SRGN: variants seen among roughly 807,000 people sequenced by gnomAD.
The protein encoded by SRGN is hematopoetic proteoglycan core peptide.
SRGN carries 2 observed loss-of-function variants against 9.5 expected under a neutral mutation model. That is an observed-to-expected ratio of 0.21 (90% CI 0.09 to 0.66). The LOEUF is 0.66. SRGN is among the 30% of genes least tolerant of loss of function. The pLI is 0.83. For missense variants in SRGN, 170 were observed against 192.4 expected (o/e 0.88, Z 0.69); for synonymous variants, 59 against 72.3 (o/e 0.82, Z 0.93).
In SRGN at chr10:69,104,066, C is replaced by G; in HGVS notation, c.423C>G (p.Pro141=). 6.2e-7 allele frequency: 1 copy of G among 1,614,138 alleles called. No individual in the cohort carries two copies. ...DNLRSLDRNL[P]SDSQDLGQHG... is the part of the protein sequence containing the mutation. ...TTAGGTCTCTTGACAGGAATCTGCCCTCAGACAGCCAGGACTTGGGTCAAC... is the reference window on the plus strand; with the variant it reads ...TTAGGTCTCTTGACAGGAATCTGCCGTCAGACAGCCAGGACTTGGGTCAAC... The change falls in exon 3 of 3, where the codon CCC becomes CCG. Residue 141 remains proline (P), a synonymous_variant. Transcript: ENST00000242465.
At chr10:69,088,672 T>C (rs1182107710) in intron 1 of SRGN, among the ~76,000 whole-genome samples, 2 of 152,048 alleles carry the variant, frequency 1.3e-5, no homozygotes, top group African/African-American at 2.4e-5. Context: ...TGGGAGACGT[T>C]ATATTCCAAT....
At chr10:69,094,313 G>C (rs1840130073) in intron 1 of SRGN, among the ~76,000 whole-genome samples, 2 of 152,138 alleles carry the variant, frequency 1.3e-5, no homozygotes, top group African/African-American at 4.8e-5. Flanking sequence ...GATTATGATA[G>C]AATAATATAT....
At chr10:69,088,632 G>T (rs1304809854) in intron 1 of SRGN, among the ~76,000 whole-genome samples, 2 of 152,068 alleles carry the variant, frequency 1.3e-5, no homozygotes, top group African/African-American at 4.8e-5. Flanking sequence ...GTTTTAGTGC[G>T]CTGTGACGGT....
rs370677229 is a variant in SRGN, at chr10:69,103,310, G to GAGGCT, written c.228-561_228-560insAGGCT. ...TCACACCTGTAATCCCAGCACTTTG[G>GAGGCT]GAGGTGGGTGGTTCACAAGGTCAGG... On this transcript the variant is annotated intron_variant, in intron 2 of 2. Transcript: ENST00000242465. 3.4e-3 allele frequency among the ~76,000 whole-genome samples: 519 copies of GAGGCT among 151,228 alleles called. 1 individual carries two copies. Among genetic ancestry groups the GAGGCT allele is most frequent in the African/African-American group, 0.012 (487 of 41,272 alleles).
At chr10:69,088,879 A>G (rs924364554) in intron 1 of SRGN, among the ~76,000 whole-genome samples, 3 of 152,326 alleles carry the variant, frequency 2.0e-5, no homozygotes, top group Middle Eastern at 3.4e-3. Context: ...TCCTAGGTTT[A>G]TCTACCATTT....
At chr10:69,089,139 G>C (rs989269344) in intron 1 of SRGN, among the ~76,000 whole-genome samples, 2 of 152,134 alleles carry the variant, frequency 1.3e-5, no homozygotes, top group African/African-American at 4.8e-5. Context: ...TCGTCAAAGC[G>C]ACTTTTGGTT....
intron 2 of SRGN, among the ~76,000 whole-genome samples, chr10:69,100,985 CT>C (rs113937899): frequency 0.01 from 1,492 of 144,016 alleles, 19 homozygotes; most frequent in African/African-American, 0.032. Context: ...TTCTTTCTTT[CT>C]TTTTTTTTTT....
rs1350758861 is a variant in SRGN, at chr10:69,091,793, T to A, written c.79+3557T>A. 2.9e-5 allele frequency among the ~76,000 whole-genome samples: 4 copies of A among 137,796 alleles called. No homozygotes were observed. In the East Asian group the frequency reaches 8.7e-4, roughly 30 times the overall value. The allele number at this position is 137,796 out of a possible 152,430, so 90.4% of individuals were successfully genotyped here. On this transcript the variant is annotated intron_variant, in intron 1 of 2. Transcript: ENST00000242465. The stretch of plus-strand genomic sequence containing the variant: ...TACTCGAGAGGCTGAGGCAGGAGAA[T>A]CACTTGAACCAGGGAGATGGAGGTT...
intron 2 of SRGN, among the ~76,000 whole-genome samples, chr10:69,097,693 C>T (rs1840207479): frequency 1.3e-5 from 2 of 152,104 alleles, no homozygotes; most frequent in African/African-American, 4.8e-5. Context: ...TCCCAAAATG[C>T]TGGGATTACA....
Position 69,095,545 on chromosome 10 carries a change from T to C in SRGN, c.80-1539T>C, listed in dbSNP as rs573046901. 2.6e-5 allele frequency among the ~76,000 whole-genome samples: 4 copies of C among 152,160 alleles called. No individual in the cohort carries two copies. The East Asian group carries it at 7.7e-4, about 29-fold the overall frequency. On this transcript the variant is annotated intron_variant, in intron 1 of 2. Coordinates refer to ENST00000242465, the MANE Select transcript of SRGN (RefSeq NM_002727.4). Reference sequence around the variant, plus strand: ...ATGAACTTTTTGAAGGGCGGTGAAGTATTTCTCACCACCAGGCCTTTGTCT... The same window carrying C: ...ATGAACTTTTTGAAGGGCGGTGAAGCATTTCTCACCACCAGGCCTTTGTCT...
chr10:69,087,985 T>G, upstream of SRGN: 126 of 563,262 alleles, frequency 2.2e-4, no homozygotes, highest in Middle Eastern at 5.1e-4. Flanking sequence ...CCCCACCCCC[T>G]TTCTTTCTGG....
chr10:69,097,290 C>T, intron 2 of SRGN, 59 bp downstream of exon 2: 1 of 1,480,178 alleles, frequency 6.8e-7, no homozygotes, highest in Non-Finnish European at 9.3e-7. Context: ...GACGGAGTTT[C>T]ACTTTTCTTG....
At chr10:69,091,020 G>A (rs1840041660) in intron 1 of SRGN, among the ~76,000 whole-genome samples, 1 of 152,180 alleles carries the variant, frequency 6.6e-6, no homozygotes, top group South Asian at 2.1e-4. Context: ...TCACAGGAAT[G>A]ATACTGATCC....
Position 69,097,319 on chromosome 10 carries a change from G to A in SRGN, c.227+88G>A, listed in dbSNP as rs1840195594. 18 of 1,154,342 alleles carry A rather than the reference G, an allele frequency of 1.6e-5. No individual in the cohort carries two copies. The Admixed American group carries it at 1.6e-4, about 11-fold the overall frequency. The allele number at this position is 1,154,342 out of a possible 1,614,324, so 71.5% of individuals were successfully genotyped here. ...TTTCTTGCCCAGGCTGGAGTGCAAT[G>A]GCGCAATCTTAGCTCACTGCAACCT... On this transcript the variant is annotated intron_variant, in intron 2 of 2. Coordinates refer to ENST00000242465, the MANE Select transcript of SRGN (RefSeq NM_002727.4).
chr10:69,099,991 G>A (rs1305777864), intron 2 of SRGN, among the ~76,000 whole-genome samples: 5 of 152,094 alleles, frequency 3.3e-5, no homozygotes, highest in Admixed American at 6.6e-5. Context: ...TTGGGAGGCC[G>A]AGGCGGATAG....
At chr10:69,094,895 C>A (rs888169040) in intron 1 of SRGN, among the ~76,000 whole-genome samples, 17 of 151,826 alleles carry the variant, frequency 1.1e-4, no homozygotes, top group Non-Finnish European at 2.5e-4. Context: ...AGCTACCACA[C>A]CCAACCTAAT....
At chr10:69,092,794 C>CAAA (rs11456015) in intron 1 of SRGN, among the ~76,000 whole-genome samples, 31 of 118,028 alleles carry the variant, frequency 2.6e-4, no homozygotes, top group African/African-American at 6.7e-4. Context: ...ACTCTGTCTC[C>CAAA]AAAAAAAAAA....
intron 1 of SRGN, among the ~76,000 whole-genome samples, chr10:69,091,122 T>C (rs1204344392): frequency 6.6e-6 from 1 of 152,186 alleles, no homozygotes; most frequent in Non-Finnish European, 1.5e-5. Flanking sequence ...GCACCAATTA[T>C]AGAGGAGAAA....
At chr10:69,103,460 T>C (rs1281720151) in intron 2 of SRGN, among the ~76,000 whole-genome samples, 1 of 151,942 alleles carries the variant, frequency 6.6e-6, no homozygotes, top group Non-Finnish European at 1.5e-5. Context: ...GGAGAATCAC[T>C]TGAACCTGGG....
Sources: gnomAD v4.1 joint callset for allele counts (sites outside exome capture counted in the v4.1 genomes callset) on GRCh38, gnomAD v4.1.1 for gene constraint, MANE v1.5 for transcripts, NCBI Gene and HGNC (gene_info 2026-07-23, HGNC 2026-07-21) for gene names.